Variants in SLC25A13 observed in about 807,000 individuals in gnomAD.
SLC25A13 encodes the protein solute carrier family 25 member 13.
SLC25A13 carries 70 observed loss-of-function variants against 85.5 expected under a neutral mutation model. The observed-to-expected ratio is 0.82, with a 90% CI of 0.68 to 1.00. The LOEUF (loss-of-function observed/expected upper bound fraction) is 1.00, where lower values mean the gene tolerates loss of function less well. Among genes scored for constraint, SLC25A13 ranks in the 50% least tolerant of loss-of-function variants. The pLI, the probability that SLC25A13 is intolerant of heterozygous loss-of-function variation, is 0.00. For synonymous variants in SLC25A13, 259 were observed against 288.7 expected, an observed-to-expected ratio of 0.90 and a Z score of 1.04; for missense variants, 765 against 819.8, an observed-to-expected ratio of 0.93 and a Z score of 0.82.
At chr7:96,175,055 C>T (rs561378996) in intron 11 of SLC25A13, among the ~76,000 whole-genome samples, 18 of 152,282 alleles carry the variant, frequency 1.2e-4, no homozygotes, top group Non-Finnish European at 1.8e-4. Flanking sequence ...GACAAACCAC[C>T]TAACAACAGC....
intron 4 of SLC25A13, among the ~76,000 whole-genome samples, chr7:96,218,267 C>A (rs1488040626): frequency 1.3e-5 from 2 of 152,100 alleles, no homozygotes; most frequent in Non-Finnish European, 2.9e-5. Flanking sequence ...TTCTTGAGCT[C>A]ATATGCTAAA....
chr7:96,283,843 AAG>A (rs1554376911), intron 2 of SLC25A13: 46 of 160,794 alleles, frequency 2.9e-4, no homozygotes, highest in Middle Eastern at 6.0e-3. Flanking sequence ...AAAAAAAAAA[AAG>A]ACCTCTGGAT....
At chr7:96,317,386 AAC>A in intron 1 of SLC25A13, among the ~76,000 whole-genome samples, 1 of 152,108 alleles carries the variant, frequency 6.6e-6, no homozygotes, top group Non-Finnish European at 1.5e-5. Flanking sequence ...TCAACAACGA[AAC>A]ACAGTTGGAA....
intron 13 of SLC25A13, among the ~76,000 whole-genome samples, chr7:96,162,338 T>TCC (rs1793540625): frequency 6.6e-6 from 1 of 152,204 alleles, no homozygotes; most frequent in African/African-American, 2.4e-5. Context: ...TTGAGTATAT[T>TCC]TTATGACCAA....
At chr7:96,149,107 G>C (rs1426858512) in intron 13 of SLC25A13, among the ~76,000 whole-genome samples, 1 of 152,166 alleles carries the variant, frequency 6.6e-6, no homozygotes, top group African/African-American at 2.4e-5. Context: ...TTTCCTATGA[G>C]ATTACCATGT....
chr7:96,202,731 G>T (rs989185374), intron 5 of SLC25A13, among the ~76,000 whole-genome samples: 2 of 152,176 alleles, frequency 1.3e-5, no homozygotes, highest in African/African-American at 2.4e-5. Context: ...AGGCAGCAGA[G>T]CCAATACACC....
At chr7:96,270,571 A>G (rs1275420398) in intron 3 of SLC25A13, among the ~76,000 whole-genome samples, 1 of 151,506 alleles carries the variant, frequency 6.6e-6, no homozygotes, top group African/African-American at 2.4e-5. Flanking sequence ...AAAAAAAAAG[A>G]GAAATATAAA....
At chr7:96,212,217 G>A (rs1221170862) in intron 4 of SLC25A13, among the ~76,000 whole-genome samples, 2 of 152,162 alleles carry the variant, frequency 1.3e-5, no homozygotes, top group African/African-American at 4.8e-5. Context: ...TGACCCTGAG[G>A]ATGTAGGCCC....
chr7:96,132,882 T>C (rs1382229781), intron 14 of SLC25A13, among the ~76,000 whole-genome samples: 1 of 152,190 alleles, frequency 6.6e-6, no homozygotes, highest in African/African-American at 2.4e-5. Flanking sequence ...TGTCTGATGC[T>C]CCAAACTGTC....
rs370908141 is a variant in SLC25A13, at chr7:96,148,470, G to A, written c.1312-1774C>T. On this transcript the variant is annotated intron_variant, in intron 13 of 17. Coordinates refer to ENST00000265631, the MANE Select transcript of SLC25A13 (RefSeq NM_014251.3). Reference sequence around the variant, plus strand: ...TGGACTCAGCTATTTACGGTTGGCAGAATGATGAGTTGAAACACACCTAAC... The same window carrying A: ...TGGACTCAGCTATTTACGGTTGGCAAAATGATGAGTTGAAACACACCTAAC... Among the ~76,000 whole-genome samples, 71 of 152,318 alleles carry A rather than the reference G, an allele frequency of 4.7e-4. No homozygotes were observed. The South Asian group carries it at 0.014, about 31-fold the overall frequency.
intron 3 of SLC25A13, among the ~76,000 whole-genome samples, chr7:96,241,098 GAAA>G (rs1562870953): frequency 2.7e-4 from 37 of 136,338 alleles, no homozygotes; most frequent in African/African-American, 8.9e-4. Context: ...AAGAAAGAAA[GAAA>G]GAAAGGCACT....
rs993631308 is a variant in SLC25A13, at chr7:96,146,709, A to G, written c.1312-13T>C. 1.2e-6 allele frequency: 2 copies of G among 1,613,896 alleles called. No individual in the cohort carries two copies. The highest frequency in any genetic ancestry group is 2.7e-5 in the African/African-American group (2 of 74,900). On this transcript the variant is annotated splice_polypyrimidine_tract_variant and intron_variant, in intron 13 of 17. Transcript: ENST00000265631. ...GGGAGCCTCCAGCCTAAAAAGAACA[A>G]AAAAGATTTAGGATCAAAGCAAAGA...
chr7:96,296,394 A>G (rs1423042675), intron 2 of SLC25A13, among the ~76,000 whole-genome samples: 5 of 152,176 alleles, frequency 3.3e-5, no homozygotes, highest in Non-Finnish European at 5.9e-5. Flanking sequence ...AAATTAAAAT[A>G]TAAGCCATGT....
At chr7:96,178,079 C>T (rs886174176) in intron 11 of SLC25A13, among the ~76,000 whole-genome samples, 2 of 152,134 alleles carry the variant, frequency 1.3e-5, no homozygotes, top group Non-Finnish European at 2.9e-5. Context: ...CATCATGCTT[C>T]CCCCGTCTCT....
chr7:96,250,876 C>T (rs1361681264), intron 3 of SLC25A13, among the ~76,000 whole-genome samples: 3 of 152,034 alleles, frequency 2.0e-5, no homozygotes, highest in African/African-American at 7.3e-5. Flanking sequence ...TGGATAATAC[C>T]TCACATGTGC....
intron 13 of SLC25A13, among the ~76,000 whole-genome samples, chr7:96,149,926 C>T (rs1433560897): frequency 6.6e-6 from 1 of 152,144 alleles, no homozygotes; most frequent in Non-Finnish European, 1.5e-5. Context: ...CTTTGCGTCC[C>T]TCATCACTTG....
intron 3 of SLC25A13, among the ~76,000 whole-genome samples, chr7:96,250,517 G>A (rs1169427716): frequency 6.6e-6 from 1 of 152,206 alleles, no homozygotes; most frequent in Non-Finnish European, 1.5e-5. Context: ...TTTGGGACAT[G>A]AGTCCAGTCC....
Position 96,192,914 on chromosome 7 carries a change from G to A in SLC25A13, c.615+123C>T, listed in dbSNP as rs1050985503. ...TCTTTGTTTGAGTTTAGTAATGTAT[G>A]TGATCACATTAAAATGTTAGTGTTT... On this transcript the variant is annotated intron_variant, in intron 6 of 17. Coordinates refer to ENST00000265631, the MANE Select transcript of SLC25A13 (RefSeq NM_014251.3). The A allele has an allele frequency of 9.3e-6, 10 of 1,079,582 alleles. No individual in the cohort carries two copies. In the East Asian group the frequency reaches 2.3e-4, roughly 25 times the overall value. The allele number at this position is 1,079,582 out of a possible 1,614,324, so 66.9% of individuals were successfully genotyped here. A position where few individuals can be genotyped will look rare whatever the true frequency, so the allele number is the denominator to read the frequency against.
intron 3 of SLC25A13, among the ~76,000 whole-genome samples, chr7:96,273,332 G>GA (rs112350169): frequency 0.011 from 1,622 of 152,224 alleles, 35 homozygotes; most frequent in African/African-American, 0.037. Context: ...AAAAAAGAAA[G>GA]AAACAAGAAT....
Sources: gnomAD v4.1 joint callset for allele counts (sites outside exome capture counted in the v4.1 genomes callset) on GRCh38, gnomAD v4.1.1 for gene constraint, MANE v1.5 for transcripts, NCBI Gene and HGNC (gene_info 2026-07-23, HGNC 2026-07-21) for gene names.